LIFR: variants seen among roughly 807,000 people sequenced by gnomAD.
The protein encoded by LIFR is leukemia inhibitory factor receptor.
LIFR carries 84 observed loss-of-function variants against 122.2 expected under a neutral mutation model. The ratio of observed to expected loss-of-function variants is 0.69; its 90% confidence interval spans 0.58 to 0.82. The LOEUF (loss-of-function observed/expected upper bound fraction) is 0.82, where lower values mean the gene tolerates loss of function less well. Ranked by LOEUF, LIFR falls within the 40% of genes least tolerant of loss-of-function variation. The probability of loss-of-function intolerance (pLI) is 0.00; values close to 1 mark genes in which losing one functional copy is unlikely to be tolerated. For synonymous variants in LIFR, 422 were observed against 434.7 expected (o/e 0.97, Z 0.36); for missense variants, 1,294 against 1,311.6 (o/e 0.99, Z 0.21).
intron 3 of LIFR, among the ~76,000 whole-genome samples, chr5:38,527,913 T>C (rs1179977524): frequency 6.6e-6 from 1 of 152,192 alleles, no homozygotes; most frequent in Non-Finnish European, 1.5e-5. Flanking sequence ...AATGTTTACT[T>C]TACTGAAAGG....
At chr5:38,591,114 C>T (rs1172094909) in intron 1 of LIFR, among the ~76,000 whole-genome samples, 1 of 152,220 alleles carries the variant, frequency 6.6e-6, no homozygotes, top group Non-Finnish European at 1.5e-5. Flanking sequence ...ATTTAATCTT[C>T]ACAACAACCC....
At chr5:38,488,666 G>A (rs1039716382) in intron 16 of LIFR, among the ~76,000 whole-genome samples, 1 of 152,144 alleles carries the variant, frequency 6.6e-6, no homozygotes, top group African/African-American at 2.4e-5. Context: ...ATAGGCCAAT[G>A]GTTTTTTGTC....
upstream of LIFR, among the ~76,000 whole-genome samples, chr5:38,599,589 G>A (rs79511088): frequency 5.8e-3 from 877 of 152,270 alleles, 9 homozygotes; most frequent in Admixed American, 0.021. Context: ...TGGAAACACG[G>A]CTGAGTATGG....
intron 1 of LIFR, among the ~76,000 whole-genome samples, chr5:38,578,598 G>A (rs1431864992): frequency 6.6e-6 from 1 of 151,232 alleles, no homozygotes; most frequent in African/African-American, 2.4e-5. Context: ...AGGCTGTAGT[G>A]TGTAGTGTAG....
intron 2 of LIFR, among the ~76,000 whole-genome samples, chr5:38,603,150 C>T (rs1750255649): frequency 6.6e-6 from 1 of 152,192 alleles, no homozygotes; most frequent in Admixed American, 6.5e-5. Context: ...TGCACTTGTT[C>T]TCCAAGGCAC....
intron 1 of LIFR, chr5:38,607,839 T>A (rs1014555041): frequency 3.3e-5 from 5 of 152,212 alleles, no homozygotes; most frequent in African/African-American, 1.2e-4. Context: ...TAGGGTTATA[T>A]GTAGGAGTAT....
intron 2 of LIFR, among the ~76,000 whole-genome samples, chr5:38,601,144 A>G (rs1481611077): frequency 2.0e-5 from 3 of 152,220 alleles, no homozygotes; most frequent in African/African-American, 4.8e-5. Context: ...CGAGGTTACA[A>G]GATGGAGCCT....
chr5:38,484,195 C>G (rs564616275), intron 18 of LIFR, among the ~76,000 whole-genome samples: 2 of 152,378 alleles, frequency 1.3e-5, no homozygotes, highest in East Asian at 3.9e-4. Flanking sequence ...ACGTAGCCCC[C>G]TGCTGGTCTC....
chr5:38,596,159 A>G (rs190801326), upstream of LIFR, among the ~76,000 whole-genome samples: 5 of 152,290 alleles, frequency 3.3e-5, no homozygotes, highest in Admixed American at 2.6e-4. Context: ...CAATATGGAC[A>G]ATTTGTACCA....
intron 13 of LIFR, among the ~76,000 whole-genome samples, 165 bp from the exon 14 acceptor site, chr5:38,493,950 T>C (rs1308539876): frequency 1.3e-5 from 2 of 152,224 alleles, no homozygotes; most frequent in African/African-American, 2.4e-5. Flanking sequence ...GTTGCTCTGT[T>C]ATTTTCATTT....
At chr5:38,482,357 C>A in intron 19 of LIFR, 139 bp from the exon 20 acceptor site, 2 of 779,220 alleles carry the variant, frequency 2.6e-6, no homozygotes, top group Non-Finnish European at 3.9e-6. Context: ...CACAACAGCA[C>A]AGCCACTTTT....
intron 1 of LIFR, among the ~76,000 whole-genome samples, chr5:38,582,435 A>T (rs1580227734): frequency 6.6e-6 from 1 of 152,286 alleles, no homozygotes; most frequent in Admixed American, 6.5e-5. Flanking sequence ...AAATACTTAC[A>T]TCGTTTTCTT....
intron 16 of LIFR, among the ~76,000 whole-genome samples, chr5:38,487,742 T>C (rs145837034): frequency 2.6e-5 from 4 of 152,258 alleles, no homozygotes; most frequent in Admixed American, 6.5e-5. Context: ...CCATGGTAAG[T>C]GAAACAGCGG....
intron 16 of LIFR, among the ~76,000 whole-genome samples, chr5:38,487,448 T>G (rs1744347953): frequency 6.6e-6 from 1 of 152,220 alleles, no homozygotes; most frequent in Non-Finnish European, 1.5e-5. Context: ...GCACATGACC[T>G]GCTTGTCTCT....
upstream of LIFR, among the ~76,000 whole-genome samples, chr5:38,598,212 T>C (rs1418369315): frequency 5.3e-5 from 3 of 56,410 alleles, no homozygotes; most frequent in Non-Finnish European, 9.5e-5. Flanking sequence ...AAGGCACCTC[T>C]TTTTTTTTTT....
At chr5:38,506,123 G>T in intron 8 of LIFR, 49 bp from the exon 9 acceptor site, 2 of 1,336,490 alleles carry the variant, frequency 1.5e-6, no homozygotes, top group Non-Finnish European at 2.1e-6. Flanking sequence ...GATAAATATT[G>T]CAGGAAAAAA....
intron 7 of LIFR, among the ~76,000 whole-genome samples, chr5:38,508,561 G>A (rs1745618762): frequency 6.6e-6 from 1 of 151,796 alleles, no homozygotes; most frequent in African/African-American, 2.4e-5. Flanking sequence ...AAACTAACAA[G>A]CCGATTATAA....
intron 9 of LIFR, among the ~76,000 whole-genome samples, chr5:38,505,229 T>C (rs1273465132): frequency 6.6e-6 from 1 of 152,032 alleles, no homozygotes; most frequent in Non-Finnish European, 1.5e-5. Flanking sequence ...CTCAAACTGA[T>C]AAAACAGAGA....
At chr5:38,585,515 T>C (rs536881914) in intron 1 of LIFR, among the ~76,000 whole-genome samples, 1 of 152,342 alleles carries the variant, frequency 6.6e-6, no homozygotes, top group South Asian at 2.1e-4. Flanking sequence ...ATGATCTCCA[T>C]GTGCTTCCCA....
Sources: allele counts gnomAD v4.1 joint callset (sites outside exome capture counted in the v4.1 genomes callset), GRCh38; gene constraint gnomAD v4.1.1; transcripts MANE v1.5; gene names NCBI Gene and HGNC (gene_info 2026-07-23, HGNC 2026-07-21).